ZFPM2: variants seen among roughly 807,000 people sequenced by gnomAD.
The protein encoded by ZFPM2 is zinc finger protein, FOG family member 2.
Under a neutral mutation model 98.6 loss-of-function variants are expected in ZFPM2, and 20 were observed. That is an observed-to-expected ratio of 0.20 (90% CI 0.14 to 0.29). The LOEUF (loss-of-function observed/expected upper bound fraction) is 0.29. ZFPM2 is among the 10% of genes least tolerant of loss of function. The pLI is 1.00. For missense variants in ZFPM2, 1,310 were observed against 1,388.6 expected (o/e 0.94, Z 0.90); for synonymous variants, 518 against 502.7 (o/e 1.03, Z -0.41).
chr8:105,706,454 T>C (rs1811266279), intron 5 of ZFPM2, among the ~76,000 whole-genome samples: 1 of 152,184 alleles, frequency 6.6e-6, no homozygotes. Flanking sequence ...AATATAAACA[T>C]TCCTCATTTT....
At chr8:105,732,032 T>C (rs1318005370) in intron 5 of ZFPM2, among the ~76,000 whole-genome samples, 1 of 151,710 alleles carries the variant, frequency 6.6e-6, no homozygotes, top group Non-Finnish European at 1.5e-5. Context: ...TGGTAGGCTG[T>C]GGCAAAAAGA....
At chr8:105,414,962 A>G (rs1434021005) in intron 1 of ZFPM2, 3 of 152,076 alleles carry the variant, frequency 2.0e-5, no homozygotes, top group Non-Finnish European at 4.4e-5. Flanking sequence ...TACTGACTAG[A>G]TGAAAAGCTT....
intron 5 of ZFPM2, among the ~76,000 whole-genome samples, chr8:105,717,580 A>G (rs781048623): frequency 2.6e-5 from 4 of 151,968 alleles, no homozygotes; most frequent in Non-Finnish European, 5.9e-5. Context: ...TGATTGTTAA[A>G]TTAAGCAGAA....
At chr8:105,524,666 G>A (rs1814134401) in intron 3 of ZFPM2, among the ~76,000 whole-genome samples, 1 of 152,064 alleles carries the variant, frequency 6.6e-6, no homozygotes, top group South Asian at 2.1e-4. Context: ...AGTTTTAGAT[G>A]GTATCTGTGA....
chr8:105,498,453 A>G (rs1300963947), intron 3 of ZFPM2, among the ~76,000 whole-genome samples: 1 of 152,186 alleles, frequency 6.6e-6, no homozygotes, highest in African/African-American at 2.4e-5. Context: ...GAAGGCAGAA[A>G]ATATTTCATG....
At chr8:105,612,850 A>G (rs1028954578) in intron 4 of ZFPM2, among the ~76,000 whole-genome samples, 2 of 152,194 alleles carry the variant, frequency 1.3e-5, no homozygotes, top group Admixed American at 1.3e-4. Context: ...AAGCTGAAAT[A>G]AAGAAGATAA....
intron 1 of ZFPM2, among the ~76,000 whole-genome samples, chr8:105,349,741 CA>C: frequency 6.6e-6 from 1 of 152,178 alleles, no homozygotes; most frequent in East Asian, 1.9e-4. Flanking sequence ...GCAATATAAA[CA>C]AAAAATACAT....
chr8:105,624,508 T>G (rs1407467711), intron 4 of ZFPM2, among the ~76,000 whole-genome samples: 6 of 152,204 alleles, frequency 3.9e-5, no homozygotes, highest in Non-Finnish European at 8.8e-5. Context: ...AATGAAAGTA[T>G]AATAAATATC....
intron 1 of ZFPM2, among the ~76,000 whole-genome samples, chr8:105,375,091 A>G (rs1810697096): frequency 6.6e-6 from 1 of 152,206 alleles, no homozygotes; most frequent in Admixed American, 6.5e-5. Context: ...ATTTGTGACT[A>G]TTATTTGATA....
chr8:105,412,394 T>C (rs538477851), intron 1 of ZFPM2, among the ~76,000 whole-genome samples: 1 of 151,878 alleles, frequency 6.6e-6, no homozygotes, highest in South Asian at 2.1e-4. Flanking sequence ...CAGCAGTTGG[T>C]ACAGATATAA....
At chr8:105,452,340 A>G (rs1163195893) in intron 3 of ZFPM2, among the ~76,000 whole-genome samples, 2 of 152,212 alleles carry the variant, frequency 1.3e-5, no homozygotes, top group African/African-American at 2.4e-5. Context: ...TCGTTGAACC[A>G]TAATTCAGCT....
intron 3 of ZFPM2, among the ~76,000 whole-genome samples, chr8:105,458,650 G>T (rs190648567): frequency 1.8e-3 from 269 of 152,168 alleles, no homozygotes; most frequent in African/African-American, 6.3e-3. Context: ...CATATTTTCA[G>T]TATGTATTTT....
intron 5 of ZFPM2, among the ~76,000 whole-genome samples, chr8:105,723,452 C>T (rs1194773291): frequency 6.6e-6 from 1 of 151,760 alleles, no homozygotes; most frequent in Admixed American, 6.6e-5. Flanking sequence ...ATCTAAAGAC[C>T]ACATAGACTA....
At chr8:105,655,437 G>C (rs1223508710) in intron 5 of ZFPM2, among the ~76,000 whole-genome samples, 2 of 151,898 alleles carry the variant, frequency 1.3e-5, no homozygotes, top group Non-Finnish European at 2.9e-5. Flanking sequence ...CTCCACATTG[G>C]TCAGACTGGT....
chr8:105,592,114 A>G (rs1010471809), intron 4 of ZFPM2, among the ~76,000 whole-genome samples: 2 of 152,130 alleles, frequency 1.3e-5, no homozygotes, highest in Non-Finnish European at 2.9e-5. Context: ...CACAGGAAAC[A>G]TGCAGCAAGA....
At chr8:105,347,920 G>C (rs1178191941) in intron 1 of ZFPM2, among the ~76,000 whole-genome samples, 1 of 152,058 alleles carries the variant, frequency 6.6e-6, no homozygotes, top group African/African-American at 2.4e-5. Context: ...ACATACTCAA[G>C]GCTTTAAAGG....
At chr8:105,731,068 A>G (rs1000444574) in intron 5 of ZFPM2, among the ~76,000 whole-genome samples, 1 of 151,700 alleles carries the variant, frequency 6.6e-6, no homozygotes, top group Admixed American at 6.6e-5. Context: ...TAAAACTGAA[A>G]AAAATGATTG....
chr8:105,684,747 C>T (rs1441024907), intron 5 of ZFPM2: 1 of 152,070 alleles, frequency 6.6e-6, no homozygotes, highest in Non-Finnish European at 1.5e-5. Flanking sequence ...ACAGTTTCCT[C>T]ATCTGTATGT....
At chr8:105,334,788 G>C (rs1812296124) in intron 1 of ZFPM2, among the ~76,000 whole-genome samples, 1 of 151,586 alleles carries the variant, frequency 6.6e-6, no homozygotes, top group Admixed American at 6.6e-5. Context: ...ATTATATGCA[G>C]ACATAGTTTT....
Sources: allele counts gnomAD v4.1 joint callset (sites outside exome capture counted in the v4.1 genomes callset), GRCh38; gene constraint gnomAD v4.1.1; transcripts MANE v1.5; gene names NCBI Gene and HGNC (gene_info 2026-07-23, HGNC 2026-07-21).